ZMYM4: variants seen among roughly 807,000 people sequenced by gnomAD.
The protein encoded by ZMYM4 is zinc finger MYM-type containing 4.
ZMYM4 carries 31 observed loss-of-function variants against 183.2 expected under a neutral mutation model. The observed-to-expected ratio is 0.17, with a 90% CI of 0.13 to 0.23. ZMYM4 has a LOEUF of 0.23. Among genes scored for constraint, ZMYM4 ranks in the 10% least tolerant of loss-of-function variants. The pLI is 1.00. For missense variants in ZMYM4, 1,273 were observed against 1,840.3 expected (o/e 0.69, Z 5.64); for synonymous variants, 592 against 631.2 (o/e 0.94, Z 0.93).
intron 15 of ZMYM4, among the ~76,000 whole-genome samples, chr1:35,391,024 C>T (rs913785370): frequency 2.0e-5 from 3 of 152,120 alleles, no homozygotes; most frequent in Non-Finnish European, 2.9e-5. Context: ...TATAGTGAGA[C>T]CCTGCCTCTA....
At chr1:35,300,212 T>A (rs1230974204) in intron 1 of ZMYM4, among the ~76,000 whole-genome samples, 6 of 152,220 alleles carry the variant, frequency 3.9e-5, no homozygotes, top group Non-Finnish European at 7.3e-5. Context: ...CCTTTTGATT[T>A]AGCTCTGGGA....
At chr1:35,293,686 G>A (rs147046020) in intron 1 of ZMYM4, among the ~76,000 whole-genome samples, 7 of 152,166 alleles carry the variant, frequency 4.6e-5, no homozygotes, top group East Asian at 3.9e-4. Context: ...AGTAGGTTTC[G>A]ATAGGTTTAG....
chr1:35,377,708 T>C (rs1400739011), intron 7 of ZMYM4, among the ~76,000 whole-genome samples: 1 of 152,188 alleles, frequency 6.6e-6, no homozygotes, highest in Non-Finnish European at 1.5e-5. Flanking sequence ...CTAACAATCA[T>C]GTGAGCCTTC....
chr1:35,396,438 A>G (rs2149003039), intron 18 of ZMYM4, 114 bp from the exon 19 acceptor site: 1 of 1,437,558 alleles, frequency 7.0e-7, no homozygotes, highest in Non-Finnish European at 9.4e-7. Flanking sequence ...CTGTAGTGTC[A>G]TAGGTTACTC....
rs1644595433 is a variant in ZMYM4 at position 35,387,131 on chromosome 1, C to T, written c.1965C>T (p.Pro655=). 1.9e-6 allele frequency: 3 copies of T among 1,614,124 alleles called. No individual in the cohort carries two copies. In the South Asian group the frequency reaches 3.3e-5, roughly 18 times the overall value. The change falls in exon 12 of 30, where the codon CCC becomes CCT. Residue 655 remains proline (P), a synonymous_variant. Transcript: ENST00000314607. Reference sequence around the variant, plus strand: ...GAGGTAGCACATCTGCTGTTTCTCCCACCTCCATCAGTAGCTCTGCTGCAG... The same window carrying T: ...GAGGTAGCACATCTGCTGTTTCTCCTACCTCCATCAGTAGCTCTGCTGCAG... ...AGGGSTSAVS[P]TSISSSAAAG...
chr1:35,351,182 T>A (rs1263811996), intron 2 of ZMYM4: 9 of 1,305,708 alleles, frequency 6.9e-6, no homozygotes. Context: ...GAACTACCAC[T>A]GGCAATAAAG....
chr1:35,296,485 T>A (rs1459710596), intron 1 of ZMYM4, among the ~76,000 whole-genome samples: 1 of 152,244 alleles, frequency 6.6e-6, no homozygotes, highest in East Asian at 1.9e-4. Context: ...CTCAGATTTC[T>A]GCTTTTATAT....
At chr1:35,365,359 A>G (rs1226420664) in intron 5 of ZMYM4, among the ~76,000 whole-genome samples, 2 of 150,130 alleles carry the variant, frequency 1.3e-5, no homozygotes, top group Non-Finnish European at 3.0e-5. Flanking sequence ...CAGAGACCTC[A>G]TTTTCCTCTT....
At chr1:35,302,200 CTTTTTTT>C (rs576277396) in intron 1 of ZMYM4, among the ~76,000 whole-genome samples, 155 of 58,554 alleles carry the variant, frequency 2.6e-3, no homozygotes, top group African/African-American at 5.0e-3. Flanking sequence ...ACGGCTCTTG[CTTTTTTT>C]TTTTTTTTTT....
intron 5 of ZMYM4, among the ~76,000 whole-genome samples, chr1:35,363,306 T>C (rs1643989489): frequency 6.6e-6 from 1 of 152,190 alleles, no homozygotes; most frequent in Non-Finnish European, 1.5e-5. Flanking sequence ...TAGATGTTTT[T>C]GGACAGGATT....
intron 7 of ZMYM4, among the ~76,000 whole-genome samples, chr1:35,373,152 C>CT (rs1210409105): frequency 6.6e-6 from 1 of 151,038 alleles, no homozygotes; most frequent in African/African-American, 2.4e-5. Context: ...GAGTGAGACT[C>CT]TATCTCAAAA....
intron 1 of ZMYM4, 73 bp from the exon 2 acceptor site, chr1:35,325,287 G>T: frequency 7.2e-7 from 1 of 1,391,816 alleles, no homozygotes; most frequent in East Asian, 2.4e-5. Flanking sequence ...TTGGGGAATA[G>T]GGAGGGATAC....
chr1:35,394,162 CTTTTTTTTTTTTT>C (rs34277367), intron 18 of ZMYM4, among the ~76,000 whole-genome samples: 3,475 of 68,558 alleles, frequency 0.051, 120 homozygotes, highest in Middle Eastern at 0.1. Context: ...TCAGAGCTTT[CTTTTTTTTTTTTT>C]TTTTTTTTTT....
In ZMYM4 at chr1:35,385,610, A is replaced by G. The variant is rs1447243317; in HGVS notation, c.1720+18A>G. On this transcript the variant is annotated intron_variant, in intron 10 of 29. Transcript: ENST00000314607. ...TTCTGCAGGTAATATTGGTTTCACA[A>G]ACTATGAAATGCAATGGTTGAAAAA... The G allele has an allele frequency of 6.4e-7, 1 of 1,570,632 alleles. No individual in the cohort carries two copies. Among genetic ancestry groups the G allele is most frequent in the Non-Finnish European group, 8.6e-7 (1 of 1,164,362 alleles).
intron 2 of ZMYM4, among the ~76,000 whole-genome samples, chr1:35,342,661 G>A (rs144319143): frequency 7.7e-4 from 117 of 151,616 alleles, no homozygotes; most frequent in African/African-American, 1.9e-3. Flanking sequence ...AAGTTGTAAG[G>A]ATCCTTTTTG....
chr1:35,270,620 C>T (rs1329429287), intron 1 of ZMYM4, among the ~76,000 whole-genome samples: 6 of 152,168 alleles, frequency 3.9e-5, no homozygotes, highest in South Asian at 4.1e-4. Context: ...ATTAACCCGG[C>T]GTGGTGGCGG....
intron 1 of ZMYM4, among the ~76,000 whole-genome samples, chr1:35,323,191 G>A (rs764918660): frequency 6.6e-6 from 1 of 152,014 alleles, no homozygotes; most frequent in Non-Finnish European, 1.5e-5. Flanking sequence ...CAGTAGGGAT[G>A]GGTTTTTGCC....
intron 29 of ZMYM4, among the ~76,000 whole-genome samples, chr1:35,419,269 C>T (rs11264156): frequency 6.6e-6 from 1 of 151,922 alleles, no homozygotes; most frequent in Non-Finnish European, 1.5e-5. Flanking sequence ...CTGTGGGTAC[C>T]TTGCTTTCCC....
chr1:35,380,897 C>T (rs1185364940), intron 7 of ZMYM4, among the ~76,000 whole-genome samples: 2 of 152,040 alleles, frequency 1.3e-5, no homozygotes, highest in Non-Finnish European at 2.9e-5. Context: ...AAATGTAATA[C>T]AGTATTTTTT....
Sources: allele counts gnomAD v4.1 joint callset (sites outside exome capture counted in the v4.1 genomes callset), GRCh38; gene constraint gnomAD v4.1.1; transcripts MANE v1.5; gene names NCBI Gene and HGNC (gene_info 2026-07-23, HGNC 2026-07-21).